FNDC3A: variants seen among roughly 807,000 people sequenced by gnomAD.
FNDC3A encodes fibronectin type-III domain-containing protein 3A.
A neutral mutation model predicts 148.9 loss-of-function variants in FNDC3A; 32 were observed. That is an observed-to-expected ratio of 0.21 (90% confidence interval 0.16 to 0.29). The LOEUF (loss-of-function observed/expected upper bound fraction) is 0.29, where lower values mean the gene tolerates loss of function less well. Ranked by LOEUF, FNDC3A falls within the 10% of genes least tolerant of loss-of-function variation. The probability of loss-of-function intolerance (pLI) is 1.00; values close to 1 mark genes in which losing one functional copy is unlikely to be tolerated. For synonymous variants in FNDC3A, 472 were observed against 473.6 expected, an observed-to-expected ratio of 1.00 and a Z score of 0.04; for missense variants, 1,191 against 1,452.8, an observed-to-expected ratio of 0.82 and a Z score of 2.93.
chr13:49,201,914 C>T lies in FNDC3A; in HGVS notation c.3102C>T (p.Leu1034=). The stretch of plus-strand genomic sequence containing the variant: ...GTAATGAAGCTGGGGAAGGTCCCCT[C>T]TCCCAAGAATATATTTTCACTACTC... ...QACNEAGEGP[L]SQEYIFTTPK... is the part of the protein sequence containing the mutation. The change falls in exon 24 of 26, where the codon CTC becomes CTT. Residue 1034 remains leucine, a synonymous_variant. Transcript: ENST00000492622. 1 of 1,592,594 alleles carries T rather than the reference C, an allele frequency of 6.3e-7. No individual in the cohort carries two copies. The highest frequency in any genetic ancestry group is 8.6e-7 in the Non-Finnish European group (1 of 1,169,176).
In FNDC3A at chr13:49,175,908, G is replaced by A. The variant is rs1304805036; in HGVS notation, c.1530+367G>A. ...TTTATTGAGAGTTTTTGGCATGAAG[G>A]GGTATTGAATTTTATCAAAGGCCTT... On this transcript the variant is annotated intron_variant, in intron 13 of 25. Transcript: ENST00000492622. Among the ~76,000 whole-genome samples, 10 of 152,106 alleles carry A rather than the reference G, an allele frequency of 6.6e-5. No individual in the cohort carries two copies. In the South Asian group the frequency reaches 2.1e-3, roughly 32 times the overall value.
Position 49,141,033 on chromosome 13 carries a change from G to A in FNDC3A, c.819+2228G>A, listed in dbSNP as rs77786278. 2.6e-3 allele frequency among the ~76,000 whole-genome samples: 403 copies of A among 152,278 alleles called. 1 individual carries two copies. Among genetic ancestry groups the A allele is most frequent in the African/African-American group, 9.3e-3 (385 of 41,568 alleles). ...CATTTGAGGAACAACAAAAAAAAAG[G>A]AAAGCAGAGAAAAGCTCACTCATGT... is the stretch of plus-strand genomic sequence containing the variant. On this transcript the variant is annotated intron_variant, in intron 7 of 25. Coordinates refer to ENST00000492622, the MANE Select transcript of FNDC3A (RefSeq NM_001079673.2).
intron 10 of FNDC3A, among the ~76,000 whole-genome samples, chr13:49,170,305 G>A (rs958511395): frequency 4.6e-5 from 7 of 152,156 alleles, no homozygotes; most frequent in South Asian, 2.1e-4. Context: ...CATAATGAGC[G>A]TAATAACTAT....
chr13:49,104,281 C>T (rs932015871), intron 3 of FNDC3A, among the ~76,000 whole-genome samples: 1 of 152,120 alleles, frequency 6.6e-6, no homozygotes, highest in Admixed American at 6.5e-5. Context: ...AATCCCAGTA[C>T]TTTGGGAGGC....
At position 49,199,277 on chromosome 13, in the gene FNDC3A, T is replaced by C. The variant is rs139898543; in HGVS notation, c.2987+703T>C. On this transcript the variant is annotated intron_variant, in intron 23 of 25. Transcript: ENST00000492622. Reference sequence around the variant, plus strand: ...CTCAAGTGGTCCTCCCCGCTCAGCCTCACTGAGTGCTGAGATTACAACTCA... The same window carrying C: ...CTCAAGTGGTCCTCCCCGCTCAGCCCCACTGAGTGCTGAGATTACAACTCA... Among the ~76,000 whole-genome samples, 58 of 151,944 alleles carry C rather than the reference T, an allele frequency of 3.8e-4. No individual in the cohort carries two copies. The East Asian group carries it at 0.011, about 28-fold the overall frequency.
intron 2 of FNDC3A, among the ~76,000 whole-genome samples, chr13:49,014,992 G>A (rs1343907325): frequency 1.3e-5 from 2 of 151,712 alleles, no homozygotes; most frequent in Non-Finnish European, 2.9e-5. Flanking sequence ...TGCTGTTTTG[G>A]TTACTGTGGC....
At chr13:49,004,185 A>G (rs970847052) in intron 1 of FNDC3A, among the ~76,000 whole-genome samples, 1 of 152,164 alleles carries the variant, frequency 6.6e-6, no homozygotes, top group Non-Finnish European at 1.5e-5. Context: ...GAATGTAGAA[A>G]GTGAGTAGTA....
intron 8 of FNDC3A, among the ~76,000 whole-genome samples, chr13:49,152,369 T>C (rs1883356069): frequency 6.6e-6 from 1 of 152,250 alleles, no homozygotes; most frequent in South Asian, 2.1e-4. Context: ...GCTGCATGAA[T>C]GTCTTCTTTT....
rs188483809 is a variant in FNDC3A at position 49,107,205 on chromosome 13, G to A, written c.176-7450G>A. 1.4e-3 allele frequency among the ~76,000 whole-genome samples: 206 copies of A among 152,270 alleles called. 1 individual carries two copies. Among genetic ancestry groups the A allele is most frequent in the Non-Finnish European group, 2.0e-3 (133 of 68,032 alleles). ...TTTTATTTAAAATGTGAAAGTGAATGTAAGGTCAGAAAATAGAGTCATGTT... is the reference window on the plus strand; with the variant it reads ...TTTTATTTAAAATGTGAAAGTGAATATAAGGTCAGAAAATAGAGTCATGTT... On this transcript the variant is annotated intron_variant, in intron 3 of 25. Coordinates refer to ENST00000492622, the MANE Select transcript of FNDC3A (RefSeq NM_001079673.2).
chr13:49,193,612 A>G (rs1176549141), intron 19 of FNDC3A, among the ~76,000 whole-genome samples: 1 of 152,184 alleles, frequency 6.6e-6, no homozygotes, highest in Non-Finnish European at 1.5e-5. Context: ...AGCAGTCTGT[A>G]AGTCTATACT....
At chr13:49,062,054 G>A (rs1231262493) in intron 2 of FNDC3A, among the ~76,000 whole-genome samples, 2 of 151,862 alleles carry the variant, frequency 1.3e-5, no homozygotes, top group African/African-American at 4.8e-5. Context: ...GATTGCCAGG[G>A]ACAAGAATAT....
chr13:49,025,295 C>G lies in FNDC3A; in HGVS notation c.99+19006C>G, dbSNP rs543981640. On this transcript the variant is annotated intron_variant, in intron 2 of 25. Coordinates refer to ENST00000492622, the MANE Select transcript of FNDC3A (RefSeq NM_001079673.2). Reference sequence around the variant, plus strand: ...AACAAAAGTGATTTAGATAGCTTTTCTCATCACTATTGACTTGGTAATACT... The same window carrying G: ...AACAAAAGTGATTTAGATAGCTTTTGTCATCACTATTGACTTGGTAATACT... Among the ~76,000 whole-genome samples, 16 of 152,110 alleles carry G rather than the reference C, an allele frequency of 1.1e-4. No individual in the cohort carries two copies. In the East Asian group the frequency reaches 1.5e-3, roughly 15 times the overall value.
intron 1 of FNDC3A, among the ~76,000 whole-genome samples, chr13:48,997,533 A>G (rs867129499): frequency 3.3e-5 from 5 of 152,218 alleles, no homozygotes; most frequent in Middle Eastern, 3.4e-3. Flanking sequence ...AGAGGAGAGC[A>G]TGAGCATGGG....
intron 3 of FNDC3A, among the ~76,000 whole-genome samples, chr13:49,090,160 C>T (rs896004806): frequency 6.6e-6 from 1 of 152,180 alleles, no homozygotes; most frequent in African/African-American, 2.4e-5. Flanking sequence ...CGCTGGCTCA[C>T]ACCTGTAATC....
At chr13:49,053,038 C>A (rs954817067) in intron 2 of FNDC3A, among the ~76,000 whole-genome samples, 1 of 152,118 alleles carries the variant, frequency 6.6e-6, no homozygotes, top group African/African-American at 2.4e-5. Context: ...TGCTCCCACT[C>A]GGCCGCAGTC....
At chr13:49,089,768 C>T (rs754094018) in intron 3 of FNDC3A, among the ~76,000 whole-genome samples, 24 of 152,240 alleles carry the variant, frequency 1.6e-4, no homozygotes, top group African/African-American at 5.1e-4. Context: ...TATGAGACCC[C>T]GAACAGAGAA....
intron 2 of FNDC3A, among the ~76,000 whole-genome samples, chr13:49,050,571 A>G (rs1260800849): frequency 2.6e-5 from 4 of 152,180 alleles, no homozygotes; most frequent in Admixed American, 6.5e-5. Flanking sequence ...CATATGGTCC[A>G]TCTTGAAGAA....
chr13:49,094,984 A>C (rs1009979364), intron 3 of FNDC3A, among the ~76,000 whole-genome samples: 1 of 152,092 alleles, frequency 6.6e-6, no homozygotes, highest in African/African-American at 2.4e-5. Context: ...TAATTGTGGC[A>C]TATTTCCTCC....
chr13:49,197,722 A>T lies in FNDC3A; in HGVS notation c.2341-3A>T, dbSNP rs555490543. 4.4e-6 allele frequency: 7 copies of T among 1,597,976 alleles called. No individual in the cohort carries two copies. The South Asian group carries it at 6.9e-5, about 16-fold the overall frequency. ...AGACCTTTATCCTTTTCTTAATTTA[A>T]AGGTTCCTTTGAGTAATGGAACAGA... is the stretch of plus-strand genomic sequence containing the variant. On this transcript the variant is annotated splice_polypyrimidine_tract_variant and splice_region_variant and intron_variant, in intron 20 of 25. Coordinates refer to ENST00000492622, the MANE Select transcript of FNDC3A (RefSeq NM_001079673.2).
Sources: allele counts gnomAD v4.1 joint callset (sites outside exome capture counted in the v4.1 genomes callset), GRCh38; gene constraint gnomAD v4.1.1; transcripts MANE v1.5; gene names NCBI Gene and HGNC (gene_info 2026-07-23, HGNC 2026-07-21).